Variants in HERC3 observed in about 807,000 individuals in gnomAD.
HERC3 encodes the protein probable E3 ubiquitin-protein ligase HERC3.
A neutral mutation model predicts 129.9 loss-of-function variants in HERC3; 58 were observed. That is an observed-to-expected ratio of 0.45 (90% confidence interval 0.36 to 0.56). HERC3 has a LOEUF of 0.56. HERC3 is among the 20% of genes least tolerant of loss of function. HERC3 has a pLI of 0.00. For missense variants in HERC3, 835 were observed against 1,244.2 expected (o/e 0.67, Z 4.95); for synonymous variants, 430 against 451.0 (o/e 0.95, Z 0.59).
intron 25 of HERC3, among the ~76,000 whole-genome samples, chr4:88,704,862 T>G (rs557896180): frequency 2.5e-4 from 37 of 145,812 alleles, no homozygotes; most frequent in African/African-American, 9.7e-4. Flanking sequence ...TTTCTTTCTT[T>G]CTTTTTTTTT....
At chr4:88,687,189 A>G in intron 22 of HERC3, 28 bp from the exon 23 acceptor site, 1 of 1,552,898 alleles carries the variant, frequency 6.4e-7, no homozygotes, top group Non-Finnish European at 8.9e-7. Context: ...CAAAATTGAA[A>G]TATTTCTTTT....
chr4:88,662,533 C>A lies in HERC3; in HGVS notation c.1249C>A (p.His417Asn), dbSNP rs1730596282. The change falls in exon 11 of 26, where the codon CAC becomes AAC. Residue 417 changes from histidine (H) to asparagine (N), a missense_variant. Transcript: ENST00000402738. ...AGTTTGGAGACAAAAACTCTCAGAACACAACAATGCAAATACAATCAAGTA... is the reference window on the plus strand; with the variant it reads ...AGTTTGGAGACAAAAACTCTCAGAAAACAACAATGCAAATACAATCAAGTA... ...IAVWRQKLSE[H>N]NNANTINGVV... 1 of 1,611,966 alleles carries A rather than the reference C, an allele frequency of 6.2e-7. No individual in the cohort carries two copies. The highest frequency in any genetic ancestry group is 1.3e-5 in the African/African-American group (1 of 74,750).
At chr4:88,649,742 TA>T in intron 3 of HERC3, 97 bp from the exon 4 acceptor site, 1 of 988,508 alleles carries the variant, frequency 1.0e-6, no homozygotes, top group Non-Finnish European at 1.5e-6. Context: ...TGGTTCTTGT[TA>T]AAAAATAAAA....
chr4:88,643,091 A>G (rs1253894778), intron 3 of HERC3, among the ~76,000 whole-genome samples: 1 of 152,262 alleles, frequency 6.6e-6, no homozygotes, highest in Non-Finnish European at 1.5e-5. Context: ...ATATCTATAT[A>G]TTAACGATAT....
At chr4:88,624,355 A>C (rs1725864972) in intron 3 of HERC3, among the ~76,000 whole-genome samples, 1 of 152,132 alleles carries the variant, frequency 6.6e-6, no homozygotes, top group African/African-American at 2.4e-5. Flanking sequence ...AATTTATGAG[A>C]GTTCTAGTTG....
intron 3 of HERC3, among the ~76,000 whole-genome samples, chr4:88,616,150 G>A (rs1345361371): frequency 6.6e-6 from 1 of 152,094 alleles, no homozygotes; most frequent in Non-Finnish European, 1.5e-5. Context: ...TTTATTTTAG[G>A]TTTTAAAGGA....
chr4:88,653,944 TCAGGAATC>T (rs991376622), intron 6 of HERC3, 90 bp from the exon 7 acceptor site: 4 of 845,994 alleles, frequency 4.7e-6, no homozygotes, highest in Admixed American at 3.8e-5. Context: ...TGAACATGCG[TCAGGAATC>T]CAGGAATCCA....
In HERC3 at chr4:88,633,955, C is replaced by T. The variant is rs939578611; in HGVS notation, c.227-15885C>T. Among the ~76,000 whole-genome samples the T allele has an allele frequency of 5.3e-5, 8 of 151,346 alleles. No individual in the cohort carries two copies. In the South Asian group the frequency reaches 8.3e-4, roughly 16 times the overall value. ...ATGGTCAATTCGAGGGGGGCGGGGC[C>T]GAGATGGCCGATTGGAAGCTCCCAT... is the stretch of plus-strand genomic sequence containing the variant. On this transcript the variant is annotated intron_variant, in intron 3 of 25. Coordinates refer to ENST00000402738, the MANE Select transcript of HERC3 (RefSeq NM_014606.3).
chr4:88,595,461 A>G (rs1011732567), intron 1 of HERC3, 96 bp from the exon 2 acceptor site: 3 of 152,206 alleles, frequency 2.0e-5, no homozygotes, highest in Non-Finnish European at 4.4e-5. Flanking sequence ...AGATATTCTT[A>G]TTTTCAGAGG....
At chr4:88,642,231 C>T (rs1728196086) in intron 3 of HERC3, among the ~76,000 whole-genome samples, 3 of 151,014 alleles carry the variant, frequency 2.0e-5, no homozygotes, top group South Asian at 4.2e-4. Flanking sequence ...TAAGAAATGA[C>T]ACTGATGAAA....
chr4:88,666,772 A>T (rs1731089767), intron 12 of HERC3, among the ~76,000 whole-genome samples: 1 of 152,224 alleles, frequency 6.6e-6, no homozygotes, highest in Non-Finnish European at 1.5e-5. Context: ...AGTTGCTAGA[A>T]AGTTAAAAAT....
chr4:88,587,930 A>T (rs72882914), upstream of HERC3, among the ~76,000 whole-genome samples: 27,825 of 152,204 alleles, frequency 0.18, 5,001 homozygotes, highest in African/African-American at 0.46. Context: ...ATATTAAGGG[A>T]CTTTTTAAAA....
In HERC3 at chr4:88,592,871, A is replaced by G. The variant is rs192709066; in HGVS notation, c.-88+297A>G. Among the ~76,000 whole-genome samples, 1,316 of 151,892 alleles carry G rather than the reference A, an allele frequency of 8.7e-3. 15 individuals carry two copies. Among genetic ancestry groups the G allele is most frequent in the African/African-American group, 0.03 (1,238 of 41,424 alleles). On this transcript the variant is annotated intron_variant, in intron 1 of 25. Coordinates refer to ENST00000402738, the MANE Select transcript of HERC3 (RefSeq NM_014606.3). ...CCGGGAAAGGCGAGACAAGCCTTCA[A>G]AATGGGAGCGCCTCCCGCCCGCGCT...
At chr4:88,679,742 T>G (rs1732561340) in intron 19 of HERC3, among the ~76,000 whole-genome samples, 2 of 152,166 alleles carry the variant, frequency 1.3e-5, no homozygotes, top group Admixed American at 6.5e-5. Context: ...GGTCTCGAAC[T>G]CCTGACCTCA....
intron 3 of HERC3, among the ~76,000 whole-genome samples, chr4:88,617,780 A>G (rs1421026268): frequency 6.6e-6 from 1 of 152,120 alleles, no homozygotes; most frequent in Non-Finnish European, 1.5e-5. Context: ...CTGAGGCAGG[A>G]GAATGACGTG....
At chr4:88,616,142 T>C (rs968532659) in intron 3 of HERC3, among the ~76,000 whole-genome samples, 8 of 152,200 alleles carry the variant, frequency 5.3e-5, no homozygotes, top group Admixed American at 5.2e-4. Flanking sequence ...TGTTCATTTT[T>C]ATTTTAGGTT....
At position 88,681,194 on chromosome 4, in the gene HERC3, T is replaced by G; in HGVS notation, c.2376T>G (p.Gly792=). The G allele has an allele frequency of 6.2e-7, 1 of 1,614,082 alleles. No homozygotes were observed. Among genetic ancestry groups the G allele is most frequent in the Non-Finnish European group, 8.5e-7 (1 of 1,179,958 alleles). ...AGCACAACTGGTTTCACTTGATTGGTATAACCTGTGGACTAGCTATCTACA... is the reference window on the plus strand; with the variant it reads ...AGCACAACTGGTTTCACTTGATTGGGATAACCTGTGGACTAGCTATCTACA... The part of the protein sequence containing the change: ...FVEHNWFHLI[G]ITCGLAIYNS... Residue 792 remains glycine (G), a synonymous_variant, in exon 21 of 26, where the codon GGT becomes GGG. Transcript: ENST00000402738.
At position 88,606,032 on chromosome 4, in the gene HERC3, G is replaced by A; in HGVS notation, c.209G>A (p.Arg70Lys). 6.2e-7 allele frequency: 1 copy of A among 1,613,664 alleles called. No individual in the cohort carries two copies. Among genetic ancestry groups the A allele is most frequent in the Non-Finnish European group, 8.5e-7 (1 of 1,179,632 alleles). The part of the protein sequence containing the change: ...LNTKGQLGHE[R>K]EGNKPEQIGA... ...ACCAAGGGGCAACTGGGCCATGAGA[G>A]GGAAGGAAACAAGCCAGGTAAGTGC... is the stretch of plus-strand genomic sequence containing the variant. The change falls in exon 3 of 26, where the codon AGG (arginine) becomes AAG (lysine). Residue 70 changes from arginine (R) to lysine (K), a missense_variant. Physicochemically the swap from Arg to Lys is conservative, Grantham distance 26. Transcript: ENST00000402738.
chr4:88,686,184 G>T (rs1733431752), intron 21 of HERC3, among the ~76,000 whole-genome samples: 1 of 152,040 alleles, frequency 6.6e-6, no homozygotes, highest in African/African-American at 2.4e-5. Context: ...TTTATGTGTG[G>T]CCCAAGGCAA....
Sources: allele counts gnomAD v4.1 joint callset (sites outside exome capture counted in the v4.1 genomes callset), GRCh38; gene constraint gnomAD v4.1.1; transcripts MANE v1.5; gene names NCBI Gene and HGNC (gene_info 2026-07-23, HGNC 2026-07-21).